METTL6: variants seen among roughly 807,000 people sequenced by gnomAD.
METTL6 encodes tRNA N(3)-cytidine methyltransferase METTL6.
A neutral mutation model predicts 26.4 loss-of-function variants in METTL6; 22 were observed. That is an observed-to-expected ratio of 0.83 (90% CI 0.59 to 1.19). METTL6 has a LOEUF of 1.19. Ranked by LOEUF, METTL6 falls within the 50% of genes most tolerant of loss-of-function variation. The pLI is 0.00. For missense variants in METTL6, 304 were observed against 324.8 expected, an observed-to-expected ratio of 0.94 and a Z score of 0.49; for synonymous variants, 109 against 116.2, an observed-to-expected ratio of 0.94 and a Z score of 0.40.
chr3:15,417,999 A>G (rs759879244), intron 3 of METTL6, among the ~76,000 whole-genome samples: 1 of 152,222 alleles, frequency 6.6e-6, no homozygotes, highest in Non-Finnish European at 1.5e-5. Context: ...ACAAGTTGCT[A>G]GAGGGGTTTG....
rs73132550 is a variant in METTL6 at position 15,390,036 on chromosome 3, A to G, written c.*12-5849T>C. ...TCTCAAGGGAAAAAAAAAAGATTGT[A>G]AGTTAAATCTCCTAGAAAGCCAAAC... is the stretch of plus-strand genomic sequence containing the variant. On this transcript the variant is annotated intron_variant, in intron 6 of 6. Coordinates refer to the METTL6 transcript ENST00000443029. Among the ~76,000 whole-genome samples, 842 of 152,134 alleles carry G rather than the reference A, an allele frequency of 5.5e-3. 7 individuals carry two copies. Among genetic ancestry groups the G allele is most frequent in the African/African-American group, 0.018 (756 of 41,522 alleles).
At chr3:15,385,608 A>G (rs1374368920) in intron 6 of METTL6, among the ~76,000 whole-genome samples, 2 of 151,828 alleles carry the variant, frequency 1.3e-5, no homozygotes, top group Non-Finnish European at 2.9e-5. Context: ...AAACAAACAA[A>G]CGAACGAACA....
intron 6 of METTL6, among the ~76,000 whole-genome samples, chr3:15,386,938 A>G (rs1451960352): frequency 2.0e-5 from 3 of 151,996 alleles, no homozygotes; most frequent in Non-Finnish European, 4.4e-5. Context: ...GATTACAGGC[A>G]TGCACCACTA....
intron 3 of METTL6, among the ~76,000 whole-genome samples, chr3:15,418,707 G>C (rs2061546089): frequency 1.3e-5 from 2 of 152,200 alleles, no homozygotes; most frequent in African/African-American, 2.4e-5. Context: ...CCAAAAATTA[G>C]TAAGAGCAAT....
At chr3:15,408,880 G>T (rs547838329), downstream of METTL6, among the ~76,000 whole-genome samples, 4 of 152,256 alleles carry the variant, frequency 2.6e-5, no homozygotes, top group Admixed American at 1.3e-4. Flanking sequence ...AGACACAGGT[G>T]AAAGGACTTC....
chr3:15,389,555 AT>A (rs879621552), intron 6 of METTL6, among the ~76,000 whole-genome samples: 44 of 148,696 alleles, frequency 3.0e-4, no homozygotes, highest in South Asian at 6.4e-4. Context: ...TTTAATTTTA[AT>A]TTTTTTTTTT....
chr3:15,397,418 AC>A (rs1395984031), intron 6 of METTL6, among the ~76,000 whole-genome samples: 2 of 151,702 alleles, frequency 1.3e-5, no homozygotes, highest in African/African-American at 4.8e-5. Context: ...AATTCCCCTG[AC>A]CCCTTGTGCT....
chr3:15,424,259 G>A (rs1228116588), intron 3 of METTL6, among the ~76,000 whole-genome samples: 2 of 152,042 alleles, frequency 1.3e-5, no homozygotes, highest in Non-Finnish European at 2.9e-5. Flanking sequence ...TAACATTGGG[G>A]GATTATGTTA....
In METTL6 at chr3:15,415,901, C is replaced by G. The variant is rs1700184801; in HGVS notation, c.402G>C (p.Gln134His). 1 of 1,613,824 alleles carries G rather than the reference C, an allele frequency of 6.2e-7. No homozygotes were observed. The highest frequency in any genetic ancestry group is 8.5e-7 in the Non-Finnish European group (1 of 1,179,908). The change falls in exon 4 of 6, where the codon CAG becomes CAC. Residue 134 changes from glutamine (Q) to histidine (H), a missense_variant. Transcript: ENST00000383790. ...GAAGATCATCTTTAGTCAGATCACA[C>G]TGGAATACCTTGCATCTTTCTGTAT... ...LYDTERCKVF[Q>H]CDLTKDDLLD...
intron 3 of METTL6, among the ~76,000 whole-genome samples, chr3:15,417,793 G>A (rs2061521053): frequency 6.6e-6 from 1 of 152,116 alleles, no homozygotes; most frequent in Non-Finnish European, 1.5e-5. Context: ...TGAGACAAAT[G>A]ACTACCCTTG....
Position 15,411,196 on chromosome 3 carries a change from A to G in METTL6, c.*60T>C. The G allele has an allele frequency of 6.4e-7, 1 of 1,554,886 alleles. No homozygotes were observed. Among genetic ancestry groups the G allele is most frequent in the Non-Finnish European group, 8.7e-7 (1 of 1,148,756 alleles). On this transcript the variant is annotated 3_prime_UTR_variant, in exon 6 of 6. Transcript: ENST00000383790. ...AGGCATGAGCCACCGCACCCAGACG[A>G]AAGAGTGATTTTAAATTTTCCTCTT...
chr3:15,383,851 G>A (rs1016310167), exon 7 of METTL6: 1 of 153,502 alleles, frequency 6.5e-6, no homozygotes, highest in Non-Finnish European at 1.4e-5. Context: ...AGAGTTTTGT[G>A]ACCAGGCTTT....
intron 6 of METTL6, among the ~76,000 whole-genome samples, chr3:15,401,903 C>T (rs989490655): frequency 4.6e-5 from 7 of 152,172 alleles, no homozygotes; most frequent in Non-Finnish European, 5.9e-5. Context: ...GTGGGGCAGC[C>T]CATGCCACTA....
intron 6 of METTL6, among the ~76,000 whole-genome samples, chr3:15,390,811 C>A (rs769963346): frequency 6.6e-6 from 1 of 152,172 alleles, no homozygotes; most frequent in Non-Finnish European, 1.5e-5. Flanking sequence ...CAGGAAGAAT[C>A]ATGTCACACG....
intron 5 of METTL6, chr3:15,413,598 A>G: frequency 8.6e-7 from 1 of 1,166,158 alleles, no homozygotes; most frequent in Non-Finnish European, 1.1e-6. Context: ...CCAAACCCCA[A>G]AACAGATCCA....
intron 6 of METTL6, among the ~76,000 whole-genome samples, chr3:15,394,701 T>C (rs1287839890): frequency 2.0e-5 from 3 of 152,272 alleles, no homozygotes; most frequent in Non-Finnish European, 4.4e-5. Context: ...TGTTGTGTCT[T>C]TGTTCTCGTT....
At chr3:15,404,315 G>C (rs1699730006) in intron 6 of METTL6, among the ~76,000 whole-genome samples, 1 of 152,046 alleles carries the variant, frequency 6.6e-6, no homozygotes, top group Non-Finnish European at 1.5e-5. Context: ...GAGGAGGACA[G>C]GAAGGAAAAG....
chr3:15,420,112 G>A (rs2061578267), intron 3 of METTL6, among the ~76,000 whole-genome samples: 1 of 151,960 alleles, frequency 6.6e-6, no homozygotes. Flanking sequence ...TGCCCACCTC[G>A]GCCTCTCAAA....
At chr3:15,409,688 C>T (rs186705611), downstream of METTL6, among the ~76,000 whole-genome samples, 2 of 152,050 alleles carry the variant, frequency 1.3e-5, no homozygotes, top group Non-Finnish European at 2.9e-5. Flanking sequence ...TCTCTCCCCC[C>T]CAGGGCAAAC....
Sources: allele counts gnomAD v4.1 joint callset (sites outside exome capture counted in the v4.1 genomes callset), GRCh38; gene constraint gnomAD v4.1.1; transcripts MANE v1.5; gene names NCBI Gene and HGNC (gene_info 2026-07-23, HGNC 2026-07-21).